ZNF280B: variants seen among roughly 807,000 people sequenced by gnomAD.
ZNF280B encodes zinc finger protein 280B, also known as suppressor of hairy wing homolog 2.
A neutral mutation model predicts 38.0 loss-of-function variants in ZNF280B; 16 were observed. That is an observed-to-expected ratio of 0.42 (90% confidence interval 0.28 to 0.64). The LOEUF is 0.64. Among genes scored for constraint, ZNF280B ranks in the 30% least tolerant of loss-of-function variants. ZNF280B has a pLI of 0.21. For missense variants in ZNF280B, 581 were observed against 639.6 expected (o/e 0.91, Z 0.99); for synonymous variants, 253 against 230.6 (o/e 1.10, Z -0.88).
chr22:22,487,550 G>T lies in ZNF280B; in HGVS notation c.*217C>A. The T allele has an allele frequency of 2.2e-6, 1 of 451,646 alleles. No individual in the cohort carries two copies. Among genetic ancestry groups the T allele is most frequent in the Non-Finnish European group, 3.8e-6 (1 of 260,694 alleles). The allele number at this position is 451,646 out of a possible 1,614,324, so 28.0% of individuals were successfully genotyped here. ...CACACAAACACCTTTTATGTGTTAA[G>T]CCAGATACAGTTAACATGAAAACCA... On this transcript the variant is annotated 3_prime_UTR_variant, in exon 4 of 4. Transcript: ENST00000626650.
At chr22:22,495,535 G>A (rs1007088617) in intron 2 of ZNF280B, among the ~76,000 whole-genome samples, 1 of 151,926 alleles carries the variant, frequency 6.6e-6, no homozygotes, top group Non-Finnish European at 1.5e-5. Context: ...AAATAATAGA[G>A]CAGGCTTAGA....
Position 22,488,789 on chromosome 22 carries a change from G to A in ZNF280B, c.610C>T (p.Pro204Ser). 1.2e-6 allele frequency: 2 copies of A among 1,613,802 alleles called. No individual in the cohort carries two copies. Among genetic ancestry groups the A allele is most frequent in the Non-Finnish European group, 8.5e-7 (1 of 1,179,950 alleles). ...IIEGNSSASFPSDTFHTMNTQ... is the reference protein window; with the variant it reads ...IIEGNSSASFSSDTFHTMNTQ... ...TTCATTGTATGAAAGGTATCTGAAG[G>A]GAATGAAGCTGAAGAATTTCCTTCT... Residue 204 changes from proline (P) to serine (S), a missense_variant, in exon 4 of 4, where the codon CCT (proline) becomes TCT (serine). By Grantham distance (74) the Pro-to-Ser change is moderately conservative. Transcript: ENST00000626650.
chr22:22,506,239 A>C (rs2146866621), intron 2 of ZNF280B, among the ~76,000 whole-genome samples: 1 of 151,982 alleles, frequency 6.6e-6, no homozygotes, highest in African/African-American at 2.4e-5. Flanking sequence ...CAGGGAAAAG[A>C]GGTCTGAGAT....
chr22:22,501,019 C>CAAAAAAAAAAAAAA (rs56907724), intron 2 of ZNF280B, among the ~76,000 whole-genome samples: 3 of 60,254 alleles, frequency 5.0e-5, no homozygotes, highest in Non-Finnish European at 1.0e-4. Context: ...GACTCCGTCT[C>CAAAAAAAAAAAAAA]AAAAAAAAAA....
At position 22,489,260 on chromosome 22, in the gene ZNF280B, C is replaced by T; in HGVS notation, c.139G>A (p.Val47Ile). ...HVNEDAELIF[V>I]GVTSNSKPVV... ...GGTTTTGAATTTGAAGTCACCCCAA[C>T]AAAGATTAGCTCAGCATCTTCATTT... is the stretch of plus-strand genomic sequence containing the variant. The change falls in exon 4 of 4, where the codon GTT (valine) becomes ATT (isoleucine). Residue 47 changes from valine to isoleucine, a missense_variant. Physicochemically the swap from Val to Ile is conservative, Grantham distance 29. Coordinates refer to ENST00000626650, the MANE Select transcript of ZNF280B (RefSeq NM_080764.4). The T allele has an allele frequency of 6.2e-7, 1 of 1,613,838 alleles. No homozygotes were observed. The highest frequency in any genetic ancestry group is 8.5e-7 in the Non-Finnish European group (1 of 1,179,956).
Position 22,486,964 on chromosome 22 carries a change from A to C in ZNF280B, c.*803T>G, listed in dbSNP as rs1169643107. ...TATTTTATGCCAGCACAGCAGAGGC[A>C]CTTCTGGGAATTCGGCAGCAAGTGG... On this transcript the variant is annotated 3_prime_UTR_variant, in exon 4 of 4. Transcript: ENST00000626650. The C allele has an allele frequency of 6.6e-6, 1 of 152,006 alleles. No homozygotes were observed. The highest frequency in any genetic ancestry group is 1.5e-5 in the Non-Finnish European group (1 of 68,032). The allele number at this position is 152,006 out of a possible 1,614,324, so 9.4% of individuals were successfully genotyped here.
intron 2 of ZNF280B, among the ~76,000 whole-genome samples, chr22:22,498,970 T>C (rs531392898): frequency 4.0e-5 from 6 of 151,490 alleles, no homozygotes; most frequent in African/African-American, 9.7e-5. Flanking sequence ...GCTAATTTTT[T>C]TGTATTTTTT....
intron 3 of ZNF280B, among the ~76,000 whole-genome samples, chr22:22,491,012 A>G (rs982897464): frequency 2.6e-5 from 4 of 151,494 alleles, no homozygotes; most frequent in African/African-American, 9.7e-5. Context: ...TTACGATCCT[A>G]TTTATCTTGA....
Position 22,504,088 on chromosome 22 carries a change from A to C in ZNF280B, c.-187+3722T>G, listed in dbSNP as rs5758522. 3.3e-5 allele frequency among the ~76,000 whole-genome samples: 5 copies of C among 152,022 alleles called. No individual in the cohort carries two copies. The East Asian group carries it at 5.9e-4, about 18-fold the overall frequency. On this transcript the variant is annotated intron_variant, in intron 2 of 3. Transcript: ENST00000626650. ...AGGGAAAGAACAAGGAATGGACCTA[A>C]ACACACTTGTAGTTTACAAGTATAA...
rs1298161444 is a variant in ZNF280B, at chr22:22,484,855, A to G, written c.*2912T>C. 1 of 151,612 alleles carries G rather than the reference A, an allele frequency of 6.6e-6. No homozygotes were observed. The highest frequency in any genetic ancestry group is 1.5e-5 in the Non-Finnish European group (1 of 67,882). 9.4% of individuals were successfully genotyped at this position (151,612 alleles called of 1,614,324 possible). On this transcript the variant is annotated 3_prime_UTR_variant, in exon 4 of 4. Coordinates refer to ENST00000626650, the MANE Select transcript of ZNF280B (RefSeq NM_080764.4). The stretch of plus-strand genomic sequence containing the variant: ...AAGTGCCTTTAAGAGGAAAAGTAGA[A>G]GTTTTTTTTTTTTTTTAAAGGGAGA...
At chr22:22,501,031 A>AC (rs1353591894) in intron 2 of ZNF280B, among the ~76,000 whole-genome samples, 2 of 150,544 alleles carry the variant, frequency 1.3e-5, no homozygotes, top group East Asian at 2.0e-4. Flanking sequence ...AAAAAAAAAA[A>AC]AAAAAAAAAA....
rs537280020 is a variant in ZNF280B at position 22,487,837 on chromosome 22, G to A, written c.1562C>T (p.Thr521Ile). ...TGGTTCAGAGTCAGATGTGCTCACA[G>A]TTATGGATGCTACATCCACTGATCC... ...QPGSVDVASI[T>I]VSTSDSEPSL... Residue 521 changes from threonine (T) to isoleucine (I), a missense_variant, in exon 4 of 4, where the codon ACT (threonine) becomes ATT (isoleucine). By Grantham distance (89) the Thr-to-Ile change is moderately conservative (BLOSUM62 -1). Coordinates refer to ENST00000626650, the MANE Select transcript of ZNF280B (RefSeq NM_080764.4). The A allele has an allele frequency of 1.2e-6, 2 of 1,613,686 alleles. No homozygotes were observed. Among genetic ancestry groups the A allele is most frequent in the Non-Finnish European group, 1.7e-6 (2 of 1,179,868 alleles).
rs1299112915 is a variant in ZNF280B at position 22,486,559 on chromosome 22, A to G, written c.*1208T>C. On this transcript the variant is annotated 3_prime_UTR_variant, in exon 4 of 4. Transcript: ENST00000626650. ...AACGGCTAGCCAGAAGGGAGAGGAG[A>G]GGGAATGAATCAAATTCACCTTTAG... The G allele has an allele frequency of 6.6e-6, 1 of 152,384 alleles. No homozygotes were observed. The highest frequency in any genetic ancestry group is 1.5e-5 in the Non-Finnish European group (1 of 68,024). The allele number at this position is 152,384 out of a possible 1,614,324, so 9.4% of individuals were successfully genotyped here.
At chr22:22,503,806 C>T (rs1323084927) in intron 2 of ZNF280B, among the ~76,000 whole-genome samples, 2 of 152,050 alleles carry the variant, frequency 1.3e-5, no homozygotes, top group East Asian at 3.9e-4. Flanking sequence ...ATTACATAGT[C>T]AACCTAGTTA....
At chr22:22,495,462 TA>T (rs2061675430) in intron 2 of ZNF280B, among the ~76,000 whole-genome samples, 1 of 151,912 alleles carries the variant, frequency 6.6e-6, no homozygotes, top group African/African-American at 2.4e-5. Context: ...AGAAAGATAG[TA>T]AGTATAATAA....
At chr22:22,504,335 G>A (rs1178223303) in intron 2 of ZNF280B, among the ~76,000 whole-genome samples, 1 of 150,990 alleles carries the variant, frequency 6.6e-6, no homozygotes, top group South Asian at 2.1e-4. Context: ...CAGGAGGCAG[G>A]AGAATTGCTT....
intron 2 of ZNF280B, among the ~76,000 whole-genome samples, chr22:22,500,599 T>C (rs541992114): frequency 6.6e-6 from 1 of 152,020 alleles, no homozygotes; most frequent in African/African-American, 2.4e-5. Flanking sequence ...CTCACACCTG[T>C]AATCCCAGGA....
At position 22,484,617 on chromosome 22, in the gene ZNF280B, A is replaced by C. The variant is rs2061482313; in HGVS notation, c.*3150T>G. The C allele has an allele frequency of 6.6e-6, 1 of 152,390 alleles. No individual in the cohort carries two copies. Among genetic ancestry groups the C allele is most frequent in the African/African-American group, 2.4e-5 (1 of 41,392 alleles). 9.4% of individuals were successfully genotyped at this position (152,390 alleles called of 1,614,324 possible). On this transcript the variant is annotated 3_prime_UTR_variant, in exon 4 of 4. Coordinates refer to ENST00000626650, the MANE Select transcript of ZNF280B (RefSeq NM_080764.4). The stretch of plus-strand genomic sequence containing the variant: ...CAAAACAAAGTGACATTGCCTTAAA[A>C]ATATATAGAGGTATCAATAGAAAAA...
intron 2 of ZNF280B, among the ~76,000 whole-genome samples, chr22:22,503,233 A>G (rs1457639000): frequency 6.6e-6 from 1 of 151,974 alleles, no homozygotes; most frequent in East Asian, 2.0e-4. Context: ...TGGAAAAGTA[A>G]TATAGGGAGT....
Sources: allele counts gnomAD v4.1 joint callset (sites outside exome capture counted in the v4.1 genomes callset), GRCh38; gene constraint gnomAD v4.1.1; transcripts MANE v1.5; gene names NCBI Gene and HGNC (gene_info 2026-07-23, HGNC 2026-07-21).